Variants in PLXDC2 observed in about 807,000 individuals in gnomAD.
PLXDC2 encodes plexin domain containing 2, also known as plexin domain-containing protein 2.
Under a neutral mutation model 68.9 loss-of-function variants are expected in PLXDC2, and 40 were observed. That is an observed-to-expected ratio of 0.58 (90% CI 0.45 to 0.76). The LOEUF is 0.76. Among genes scored for constraint, PLXDC2 ranks in the 30% least tolerant of loss-of-function variants. PLXDC2 has a pLI of 0.00. For synonymous variants in PLXDC2, 243 were observed against 234.2 expected, an observed-to-expected ratio of 1.04 and a Z score of -0.34; for missense variants, 644 against 661.9, an observed-to-expected ratio of 0.97 and a Z score of 0.30.
At chr10:20,214,460 G>A (rs1835109977) in intron 10 of PLXDC2, among the ~76,000 whole-genome samples, 1 of 152,108 alleles carries the variant, frequency 6.6e-6, no homozygotes, top group Non-Finnish European at 1.5e-5. Context: ...TACTACTGCT[G>A]CAAGGCTTGT....
chr10:20,119,411 G>A (rs1318293572), intron 4 of PLXDC2, among the ~76,000 whole-genome samples: 1 of 152,074 alleles, frequency 6.6e-6, no homozygotes, highest in Admixed American at 6.6e-5. Flanking sequence ...GGTACTCAGT[G>A]GGGGAGCTTG....
intron 1 of PLXDC2, among the ~76,000 whole-genome samples, chr10:19,955,225 G>A (rs924288588): frequency 2.0e-5 from 3 of 147,812 alleles, no homozygotes; most frequent in African/African-American, 7.6e-5. Flanking sequence ...TTAGAAACAA[G>A]GTCTTGCTGT....
chr10:20,081,362 CTACTAAA>C (rs1836554286), intron 4 of PLXDC2, among the ~76,000 whole-genome samples: 1 of 151,640 alleles, frequency 6.6e-6, no homozygotes, highest in African/African-American at 2.4e-5. Context: ...AGATACAGAC[CTACTAAA>C]TACTAAAGAC....
At chr10:20,000,961 C>T (rs568137815) in intron 1 of PLXDC2, among the ~76,000 whole-genome samples, 3 of 152,162 alleles carry the variant, frequency 2.0e-5, no homozygotes, top group African/African-American at 2.4e-5. Flanking sequence ...AAATGAGAGA[C>T]GAGGAGCAAT....
At chr10:20,277,013 C>A (rs554210198) in intron 13 of PLXDC2, among the ~76,000 whole-genome samples, 1 of 151,912 alleles carries the variant, frequency 6.6e-6, no homozygotes, top group Non-Finnish European at 1.5e-5. Context: ...GGTTCAAGAC[C>A]AGCCTGGCCA....
At chr10:19,924,967 T>A (rs1352331839) in intron 1 of PLXDC2, among the ~76,000 whole-genome samples, 2 of 152,222 alleles carry the variant, frequency 1.3e-5, no homozygotes, top group Non-Finnish European at 2.9e-5. Context: ...TTGTATTTCT[T>A]ATCGGTTACC....
intron 12 of PLXDC2, among the ~76,000 whole-genome samples, chr10:20,243,909 A>C (rs1835553342): frequency 6.6e-6 from 1 of 152,100 alleles, no homozygotes; most frequent in South Asian, 2.1e-4. Context: ...AAATGCAAAA[A>C]TTAGCCAGGT....
chr10:20,082,572 GT>G (rs1836587846), intron 4 of PLXDC2, among the ~76,000 whole-genome samples: 1 of 152,098 alleles, frequency 6.6e-6, no homozygotes, highest in African/African-American at 2.4e-5. Context: ...TAAAAAACAA[GT>G]TTTGTAGCTC....
chr10:19,971,712 G>A (rs116307808), intron 1 of PLXDC2, among the ~76,000 whole-genome samples: 143 of 152,016 alleles, frequency 9.4e-4, no homozygotes, highest in Middle Eastern at 3.4e-3. Context: ...TTCATCTCTC[G>A]ACAAACATTT....
intron 1 of PLXDC2, among the ~76,000 whole-genome samples, chr10:19,870,628 G>T (rs539329802): frequency 4.8e-4 from 73 of 152,078 alleles, no homozygotes; most frequent in African/African-American, 1.6e-3. Flanking sequence ...GTTTCACCAT[G>T]TTGGCCAGGC....
chr10:20,163,185 T>G (rs1024315090), intron 6 of PLXDC2, among the ~76,000 whole-genome samples: 2 of 152,214 alleles, frequency 1.3e-5, no homozygotes, highest in Non-Finnish European at 2.9e-5. Context: ...TTGAGCATAC[T>G]GACACAAAAT....
intron 6 of PLXDC2, among the ~76,000 whole-genome samples, chr10:20,163,790 A>G (rs775515570): frequency 2.0e-5 from 3 of 152,080 alleles, no homozygotes; most frequent in Non-Finnish European, 4.4e-5. Context: ...ATGTATCATA[A>G]TTTTTTAACT....
At chr10:20,273,102 A>G (rs1008110002) in intron 13 of PLXDC2, among the ~76,000 whole-genome samples, 3 of 152,234 alleles carry the variant, frequency 2.0e-5, no homozygotes, top group Admixed American at 6.5e-5. Flanking sequence ...GTAAAGACGG[A>G]AAAACAGAAC....
chr10:20,122,334 G>C (rs1040295183), intron 4 of PLXDC2, among the ~76,000 whole-genome samples: 7 of 152,098 alleles, frequency 4.6e-5, no homozygotes, highest in African/African-American at 1.7e-4. Context: ...ATTAAGAAGG[G>C]GACGGACTTA....
At chr10:19,959,692 A>G (rs529022850) in intron 1 of PLXDC2, among the ~76,000 whole-genome samples, 7 of 152,338 alleles carry the variant, frequency 4.6e-5, no homozygotes, top group Middle Eastern at 3.4e-3. Flanking sequence ...GGGTCTATGT[A>G]TCACTTATAA....
intron 1 of PLXDC2, among the ~76,000 whole-genome samples, chr10:19,933,463 ATC>A (rs1309161138): frequency 3.3e-5 from 5 of 151,894 alleles, no homozygotes; most frequent in African/African-American, 9.7e-5. Context: ...GTGAAACCCC[ATC>A]TCTCGTAAAA....
chr10:19,862,099 T>C (rs1010296447), intron 1 of PLXDC2, among the ~76,000 whole-genome samples: 1 of 152,222 alleles, frequency 6.6e-6, no homozygotes, highest in East Asian at 1.9e-4. Context: ...GTAGAACTTA[T>C]AGTGGCAAGT....
intron 1 of PLXDC2, among the ~76,000 whole-genome samples, chr10:19,940,894 T>G (rs1418516842): frequency 1.3e-5 from 2 of 152,202 alleles, no homozygotes; most frequent in African/African-American, 4.8e-5. Context: ...ATAATTATCT[T>G]GTTTGGTTTC....
chr10:20,135,008 T>A (rs888943931), intron 4 of PLXDC2, among the ~76,000 whole-genome samples: 1 of 152,224 alleles, frequency 6.6e-6, no homozygotes, highest in Non-Finnish European at 1.5e-5. Context: ...TTTTCTTACC[T>A]ATCTTCTTCA....
Sources: gnomAD v4.1 joint callset for allele counts (sites outside exome capture counted in the v4.1 genomes callset) on GRCh38, gnomAD v4.1.1 for gene constraint, MANE v1.5 for transcripts, NCBI Gene and HGNC (gene_info 2026-07-23, HGNC 2026-07-21) for gene names.